FRMPD4: variants seen among roughly 807,000 people sequenced by gnomAD.
FRMPD4 encodes the protein FERM and PDZ domain-containing protein 4.
A neutral mutation model predicts 94.1 loss-of-function variants in FRMPD4; 22 were observed. That is an observed-to-expected ratio of 0.23 (90% CI 0.17 to 0.33). FRMPD4 has a LOEUF of 0.33. Among genes scored for constraint, FRMPD4 ranks in the 10% least tolerant of loss-of-function variants. The pLI, the probability that FRMPD4 is intolerant of heterozygous loss-of-function variation, is 1.00. For synonymous variants in FRMPD4, 631 were observed against 548.6 expected (o/e 1.15, Z -2.10); for missense variants, 1,111 against 1,339.9 (o/e 0.83, Z 2.67).
intron 2 of FRMPD4, among the ~76,000 whole-genome samples, chrX:12,592,491 CT>C (rs2058992545): frequency 8.9e-6 from 1 of 112,150 alleles, no homozygotes; most frequent in Non-Finnish European, 1.9e-5. Context: ...TGCCAATTAG[CT>C]TTGTAATTTT....
At chrX:12,583,940 C>T (rs1302635679) in intron 2 of FRMPD4, among the ~76,000 whole-genome samples, 1 of 111,510 alleles carries the variant, frequency 9.0e-6, no homozygotes, top group Non-Finnish European at 1.9e-5. Context: ...CGAGTTCCTG[C>T]CTCACACGTT....
chrX:12,520,091 C>T (rs779157629), intron 2 of FRMPD4, among the ~76,000 whole-genome samples: 2 of 112,298 alleles, frequency 1.8e-5, no homozygotes, highest in Non-Finnish European at 1.9e-5. Flanking sequence ...GAGGTATTTG[C>T]ATACTTTTGT....
At chrX:12,162,895 C>A (rs2056048281) in intron 1 of FRMPD4, among the ~76,000 whole-genome samples, 1 of 111,495 alleles carries the variant, frequency 9.0e-6, no homozygotes, top group Non-Finnish European at 1.9e-5. Context: ...GTTATGGGCC[C>A]TAGAACTCAT....
intron 4 of FRMPD4, among the ~76,000 whole-genome samples, chrX:12,653,656 A>G (rs2059620132): frequency 9.0e-6 from 1 of 111,149 alleles, no homozygotes; most frequent in Admixed American, 9.5e-5. Context: ...CTTTTAAATC[A>G]GAACCTTTCA....
chrX:12,614,636 T>G, intron 3 of FRMPD4, 143 bp from the exon 4 acceptor site: 3 of 440,925 alleles, frequency 6.8e-6, no homozygotes, highest in Non-Finnish European at 1.2e-5. Context: ...GGCCTCAGAA[T>G]TGTCCAAAGA....
intron 1 of FRMPD4, among the ~76,000 whole-genome samples, chrX:12,494,742 T>C (rs941850835): frequency 8.9e-6 from 1 of 111,982 alleles, no homozygotes; most frequent in Non-Finnish European, 1.9e-5. Context: ...ACTTTGTCTG[T>C]ACCATTCATA....
rs1053026803 is a variant in FRMPD4 at position 12,049,925 on chromosome X, G to T, written c.95+171907G>T. Among the ~76,000 whole-genome samples, 3 of 111,610 alleles carry T rather than the reference G, an allele frequency of 2.7e-5. No individual in the cohort carries two copies. In the Admixed American group the frequency reaches 2.9e-4, roughly 11 times the overall value. On this transcript the variant is annotated intron_variant, in intron 3 of 18. Coordinates refer to the FRMPD4 transcript ENST00000640291. The stretch of plus-strand genomic sequence containing the variant: ...AAATAGAAAAAAGTTTATAGAATAA[G>T]AATATAACAAGAAAATATTTTGTAC...
intron 2 of FRMPD4, among the ~76,000 whole-genome samples, chrX:12,568,421 A>T (rs779775125): frequency 1.7e-4 from 19 of 112,648 alleles, no homozygotes; most frequent in African/African-American, 6.1e-4. Flanking sequence ...ATTACATATG[A>T]CTAACAAAAG....
chrX:12,642,312 A>C (rs924222700), intron 4 of FRMPD4, among the ~76,000 whole-genome samples: 1 of 112,079 alleles, frequency 8.9e-6, no homozygotes, highest in African/African-American at 3.2e-5. Flanking sequence ...TAGAAGATTC[A>C]GTAGAAGATT....
chrX:12,491,784 T>G (rs953954623), intron 1 of FRMPD4, among the ~76,000 whole-genome samples: 1 of 111,997 alleles, frequency 8.9e-6, no homozygotes, highest in Non-Finnish European at 1.9e-5. Flanking sequence ...GTAATACTGA[T>G]AGAAAGGTAA....
chrX:12,501,015 C>T (rs754352265), intron 2 of FRMPD4, among the ~76,000 whole-genome samples: 1 of 112,216 alleles, frequency 8.9e-6, no homozygotes, highest in Non-Finnish European at 1.9e-5. Flanking sequence ...GATTTGGGTT[C>T]CCATACATTC....
Position 12,154,780 on chromosome X carries a change from T to C in FRMPD4, c.41+15768T>C, listed in dbSNP as rs1030008658. Among the ~76,000 whole-genome samples, 61 of 112,741 alleles carry C rather than the reference T, an allele frequency of 5.4e-4. 1 individual carries two copies. Among genetic ancestry groups the C allele is most frequent in the African/African-American group, 1.9e-3 (59 of 31,077 alleles). On this transcript the variant is annotated intron_variant, in intron 1 of 16. Transcript: ENST00000675598. ...AATATTCCTAGATATATGTGATTCC[T>C]GGATTCGGCTTCATGGACTCAGTGA...
chrX:12,243,921 G>A (rs1015163903), intron 1 of FRMPD4, among the ~76,000 whole-genome samples: 12 of 99,902 alleles, frequency 1.2e-4, no homozygotes, highest in African/African-American at 4.1e-4. Context: ...TCAGCTTCCT[G>A]AGTAGCTGGG....
chrX:12,164,059 A>ATTG (rs2056071821), intron 1 of FRMPD4, among the ~76,000 whole-genome samples: 1 of 108,213 alleles, frequency 9.2e-6, no homozygotes, highest in Non-Finnish European at 1.9e-5. Context: ...TTTTATTATT[A>ATTG]TTATACTTTT....
chrX:11,990,071 G>A (rs1387495332), intron 3 of FRMPD4, among the ~76,000 whole-genome samples: 1 of 111,828 alleles, frequency 8.9e-6, no homozygotes, highest in Non-Finnish European at 1.9e-5. Flanking sequence ...GTCCATCAAT[G>A]GATAAATAAA....
In FRMPD4 at chrX:12,361,910, G is replaced by C. The variant is rs776471753; in HGVS notation, c.42-136770G>C. Reference sequence around the variant, plus strand: ...CCAATCTCTGCCTGTGTCTTCACATGGTCTCCTGTGTGTTTCTTCTTTTTG... The same window carrying C: ...CCAATCTCTGCCTGTGTCTTCACATCGTCTCCTGTGTGTTTCTTCTTTTTG... On this transcript the variant is annotated intron_variant, in intron 1 of 16. Coordinates refer to ENST00000675598, the MANE Select transcript of FRMPD4 (RefSeq NM_001368397.1). Among the ~76,000 whole-genome samples the C allele has an allele frequency of 3.6e-5, 4 of 111,384 alleles. No individual in the cohort carries two copies. The East Asian group carries it at 1.1e-3, about 32-fold the overall frequency.
At chrX:12,551,881 T>TTTCTA (rs2058541233) in intron 2 of FRMPD4, among the ~76,000 whole-genome samples, 1 of 111,457 alleles carries the variant, frequency 9.0e-6, no homozygotes, top group Admixed American at 9.6e-5. Context: ...AATAGTGATA[T>TTTCTA]GCTAATTCTA....
At chrX:11,852,608 C>T (rs1841516505) in intron 1 of FRMPD4, among the ~76,000 whole-genome samples, 1 of 111,108 alleles carries the variant, frequency 9.0e-6, no homozygotes, top group Non-Finnish European at 1.9e-5. Context: ...GGTTACAATC[C>T]TAGTTTCTGA....
intron 4 of FRMPD4, among the ~76,000 whole-genome samples, chrX:12,673,456 G>A (rs2059864178): frequency 9.0e-6 from 1 of 111,459 alleles, no homozygotes; most frequent in South Asian, 3.8e-4. Flanking sequence ...CCCCTTAAAG[G>A]CTAGCAGCAG....
Sources: allele counts gnomAD v4.1 joint callset (sites outside exome capture counted in the v4.1 genomes callset), GRCh38; gene constraint gnomAD v4.1.1; transcripts MANE v1.5; gene names NCBI Gene and HGNC (gene_info 2026-07-23, HGNC 2026-07-21).